Variants in PRUNE2 observed in about 807,000 individuals in gnomAD.
PRUNE2 encodes the protein prune homolog 2 with BCH domain.
In PRUNE2, 164 loss-of-function variants were observed where a neutral mutation model predicts 252.0. That is an observed-to-expected ratio of 0.65 (90% CI 0.57 to 0.74). The LOEUF is 0.74. PRUNE2 is among the 30% of genes least tolerant of loss of function. PRUNE2 has a pLI of 0.00. For missense variants in PRUNE2, 3,495 were observed against 3,711.0 expected (o/e 0.94, Z 1.51); for synonymous variants, 1,292 against 1,350.2 (o/e 0.96, Z 0.94).
rs200599284 is a variant in PRUNE2, at chr9:76,655,435, C to A, written c.8344G>T (p.Asp2782Tyr). Residue 2782 changes from aspartate to tyrosine, a missense_variant, in exon 10 of 19, where the codon GAC becomes TAC. Asp to Tyr is a radical substitution (Grantham distance 160). Transcript: ENST00000376718. ...ATGCTGCTCTCACCAGGCCTCATGT[C>A]TGCAGCACTGGGACTCAGCACGCCC... The part of the protein sequence containing the change: ...EEGVLSPSAA[D>Y]MRPEPPNSLD... 1 of 1,611,468 alleles carries A rather than the reference C, an allele frequency of 6.2e-7. No homozygotes were observed. Among genetic ancestry groups the A allele is most frequent in the African/African-American group, 1.3e-5 (1 of 74,994 alleles).
intron 4 of PRUNE2, among the ~76,000 whole-genome samples, chr9:76,843,725 C>CT (rs71501394): frequency 0.033 from 4,225 of 128,088 alleles, 107 homozygotes; most frequent in Non-Finnish European, 0.041. Context: ...CTTGATTCCT[C>CT]TTTTTTTTTT....
intron 16 of PRUNE2, 104 bp from the exon 17 acceptor site, chr9:76,624,594 T>C (rs1221228389): frequency 1.3e-6 from 1 of 765,346 alleles, no homozygotes; most frequent in Non-Finnish European, 1.9e-6. Flanking sequence ...GTGGTGCATA[T>C]GTGCTTTTCG....
At chr9:76,792,126 T>C (rs911479349) in intron 6 of PRUNE2, among the ~76,000 whole-genome samples, 4 of 152,170 alleles carry the variant, frequency 2.6e-5, no homozygotes, top group Non-Finnish European at 5.9e-5. Context: ...TTTTGAATTA[T>C]AGCTGCTATA....
intron 6 of PRUNE2, among the ~76,000 whole-genome samples, chr9:76,766,143 A>G (rs1316010023): frequency 6.6e-6 from 1 of 151,056 alleles, no homozygotes; most frequent in Non-Finnish European, 1.5e-5. Context: ...AGATTGCGCC[A>G]CTGCACTCTA....
chr9:76,852,885 CT>C (rs2060045567), intron 2 of PRUNE2, among the ~76,000 whole-genome samples: 2 of 151,888 alleles, frequency 1.3e-5, no homozygotes, highest in African/African-American at 4.8e-5. Flanking sequence ...TTTTCTACCC[CT>C]TTTATTGGAT....
Position 76,846,429 on chromosome 9 carries a change from G to C in PRUNE2, c.508+86C>G, listed in dbSNP as rs1028160042. On this transcript the variant is annotated intron_variant, in intron 4 of 18. Transcript: ENST00000376718. ...GTCTTTAAAGAGATTGTTAACCCAA[G>C]AATGGATCGCATTCTTTCTACATGA... 3 of 1,219,650 alleles carry C rather than the reference G, an allele frequency of 2.5e-6. No individual in the cohort carries two copies. The African/African-American group carries it at 4.5e-5, about 18-fold the overall frequency. 75.6% of individuals were successfully genotyped at this position (1,219,650 alleles called of 1,614,324 possible).
At chr9:76,837,247 T>C (rs571779075) in intron 4 of PRUNE2, among the ~76,000 whole-genome samples, 15 of 151,896 alleles carry the variant, frequency 9.9e-5, no homozygotes, top group South Asian at 2.1e-4. Flanking sequence ...ATTGAGACCA[T>C]CCTGGCCAAC....
At chr9:76,780,736 G>GTTTTGT (rs199838449) in intron 6 of PRUNE2, among the ~76,000 whole-genome samples, 6 of 152,070 alleles carry the variant, frequency 3.9e-5, no homozygotes, top group Non-Finnish European at 7.4e-5. Flanking sequence ...CAGCAAGAGG[G>GTTTTGT]TTTTGTTTTT....
At chr9:76,803,189 A>T (rs1011652144) in intron 6 of PRUNE2, among the ~76,000 whole-genome samples, 2 of 152,202 alleles carry the variant, frequency 1.3e-5, no homozygotes, top group African/African-American at 4.8e-5. Context: ...AAATGTTGTG[A>T]TATCATGGTC....
intron 6 of PRUNE2, among the ~76,000 whole-genome samples, chr9:76,717,679 C>A (rs960245820): frequency 5.9e-5 from 9 of 151,956 alleles, no homozygotes; most frequent in Non-Finnish European, 1.0e-4. Context: ...ACTTACCACC[C>A]CCCCCACCAG....
intron 9 of PRUNE2, among the ~76,000 whole-genome samples, chr9:76,694,631 C>T (rs1430853319): frequency 6.6e-6 from 1 of 152,194 alleles, no homozygotes; most frequent in Non-Finnish European, 1.5e-5. Context: ...CATAGGTTAT[C>T]ACCAGTAATA....
intron 2 of PRUNE2, among the ~76,000 whole-genome samples, chr9:76,852,968 T>G (rs1389432551): frequency 6.6e-6 from 1 of 152,190 alleles, no homozygotes; most frequent in Non-Finnish European, 1.5e-5. Flanking sequence ...CCACTATCAC[T>G]CTAAACATCA....
Position 76,711,013 on chromosome 9 carries a change from C to A in PRUNE2, c.1261G>T (p.Val421Leu). Residue 421 changes from valine (V) to leucine (L), a missense_variant, in exon 8 of 19, where the codon GTA becomes TTA. Physicochemically the swap from Val to Leu is conservative, Grantham distance 32 (BLOSUM62 1). Transcript: ENST00000376718. The stretch of plus-strand genomic sequence containing the variant: ...CCGCTGTCTGGGCTAACAAGGTCTA[C>A]ATTGGCATCCACCTGAGCCTGGTTA... ...DSNQAQVDAN[V>L]DLVSPDSGLA... The A allele has an allele frequency of 6.2e-7, 1 of 1,613,850 alleles. No individual in the cohort carries two copies.
At chr9:76,779,707 T>C (rs944123506) in intron 6 of PRUNE2, 1 of 152,218 alleles carries the variant, frequency 6.6e-6, no homozygotes, top group Admixed American at 6.5e-5. Context: ...GTCCTGACTG[T>C]GGGCTCAGAT....
At chr9:76,630,732 T>G (rs1564376990) in intron 15 of PRUNE2, among the ~76,000 whole-genome samples, 1 of 152,198 alleles carries the variant, frequency 6.6e-6, no homozygotes, top group Non-Finnish European at 1.5e-5. Flanking sequence ...TTCACTGTGT[T>G]AGCCAGGATG....
intron 9 of PRUNE2, among the ~76,000 whole-genome samples, chr9:76,686,069 G>T (rs2044050903): frequency 6.6e-6 from 1 of 152,208 alleles, no homozygotes; most frequent in Admixed American, 6.5e-5. Flanking sequence ...CCTCCTGAGG[G>T]ATACATTCAG....
chr9:76,800,743 A>T (rs1417800035), intron 6 of PRUNE2, among the ~76,000 whole-genome samples: 2 of 152,224 alleles, frequency 1.3e-5, no homozygotes, highest in Admixed American at 1.3e-4. Flanking sequence ...ACCTGGATGG[A>T]TAGAGAAGCA....
chr9:76,877,143 T>C (rs2061519386), intron 1 of PRUNE2, among the ~76,000 whole-genome samples: 1 of 151,706 alleles, frequency 6.6e-6, no homozygotes, highest in Admixed American at 6.6e-5. Context: ...CAAAAGAACA[T>C]GGGTATAGAA....
chr9:76,657,378 C>A (rs993985496), intron 9 of PRUNE2, among the ~76,000 whole-genome samples: 1 of 152,186 alleles, frequency 6.6e-6, no homozygotes, highest in African/African-American at 2.4e-5. Flanking sequence ...ATCTGCCTGA[C>A]AGAGCACACA....
Sources: allele counts gnomAD v4.1 joint callset (sites outside exome capture counted in the v4.1 genomes callset), GRCh38; gene constraint gnomAD v4.1.1; transcripts MANE v1.5; gene names NCBI Gene and HGNC (gene_info 2026-07-23, HGNC 2026-07-21).